EXT1: variants seen among roughly 807,000 people sequenced by gnomAD.
EXT1 encodes the protein exostosin-1.
A neutral mutation model predicts 82.5 loss-of-function variants in EXT1; 20 were observed. The ratio of observed to expected loss-of-function variants is 0.24; its 90% confidence interval spans 0.17 to 0.35. The LOEUF is 0.35. Among genes scored for constraint, EXT1 ranks in the 10% least tolerant of loss-of-function variants. The pLI is 1.00. For missense variants in EXT1, 757 were observed against 936.5 expected (o/e 0.81, Z 2.50); for synonymous variants, 348 against 350.8 (o/e 0.99, Z 0.09).
chr8:118,063,720 A>G (rs1816925823), intron 1 of EXT1, among the ~76,000 whole-genome samples: 1 of 152,226 alleles, frequency 6.6e-6, no homozygotes, highest in Non-Finnish European at 1.5e-5. Context: ...CTCTCCTGTG[A>G]GATCACAGAC....
At chr8:117,957,845 T>C (rs2129710182) in intron 1 of EXT1, among the ~76,000 whole-genome samples, 1 of 152,332 alleles carries the variant, frequency 6.6e-6, no homozygotes, top group Non-Finnish European at 1.5e-5. Context: ...CAGCTCAAAG[T>C]TGAAAGCATA....
intron 1 of EXT1, among the ~76,000 whole-genome samples, chr8:117,872,594 T>C (rs1196044621): frequency 3.3e-5 from 5 of 152,214 alleles, no homozygotes; most frequent in Admixed American, 1.3e-4. Flanking sequence ...ATGTTTCTGA[T>C]AATATGTTTG....
At chr8:118,006,087 G>C (rs773004832) in intron 1 of EXT1, among the ~76,000 whole-genome samples, 23 of 152,204 alleles carry the variant, frequency 1.5e-4, no homozygotes, top group Non-Finnish European at 3.1e-4. Flanking sequence ...ACTCAGCTAG[G>C]TTGCCCATCT....
chr8:117,995,334 G>A (rs1815515738), intron 1 of EXT1, among the ~76,000 whole-genome samples: 1 of 152,202 alleles, frequency 6.6e-6, no homozygotes, highest in Non-Finnish European at 1.5e-5. Context: ...AGAAAAGCCA[G>A]CATGGTATGA....
At chr8:117,840,779 A>G (rs1401828245) in intron 1 of EXT1, among the ~76,000 whole-genome samples, 1 of 152,262 alleles carries the variant, frequency 6.6e-6, no homozygotes, top group African/African-American at 2.4e-5. Context: ...TCCAAAGAAG[A>G]CACACAAAGT....
chr8:117,799,537 C>T lies in EXT1; in HGVS notation c.*175G>A. On this transcript the variant is annotated 3_prime_UTR_variant, in exon 11 of 11. Coordinates refer to ENST00000378204, the MANE Select transcript of EXT1 (RefSeq NM_000127.3). ...GAGTTTGGAGCAGTCTGGTGCAGTC[C>T]CAGGAGCCAGGAGTTGAGTTCTCAT... The T allele has an allele frequency of 1.5e-6, 1 of 684,910 alleles. No individual in the cohort carries two copies. The highest frequency in any genetic ancestry group is 2.5e-6 in the Non-Finnish European group (1 of 402,556). The allele number at this position is 684,910 out of a possible 1,614,324, so 42.4% of individuals were successfully genotyped here.
At chr8:117,849,419 C>T (rs1488965842) in intron 1 of EXT1, among the ~76,000 whole-genome samples, 2 of 152,160 alleles carry the variant, frequency 1.3e-5, no homozygotes, top group Admixed American at 1.3e-4. Flanking sequence ...TTTGTTGAAC[C>T]TATGTCAGAT....
chr8:117,821,969 T>C (rs1442298044), intron 5 of EXT1, among the ~76,000 whole-genome samples: 1 of 152,196 alleles, frequency 6.6e-6, no homozygotes, highest in East Asian at 1.9e-4. Flanking sequence ...TACCCAGCAA[T>C]ACATTAGCAT....
At chr8:117,886,009 T>A (rs1813141353) in intron 1 of EXT1, among the ~76,000 whole-genome samples, 2 of 152,216 alleles carry the variant, frequency 1.3e-5, no homozygotes, top group South Asian at 4.1e-4. Context: ...AAAAGTTGCA[T>A]GACTGTGTGC....
chr8:117,809,244 T>TATATATATATATATATATATATATATATA (rs1554657605), intron 8 of EXT1, among the ~76,000 whole-genome samples: 8 of 138,224 alleles, frequency 5.8e-5, no homozygotes, highest in Non-Finnish European at 1.1e-4. Context: ...TATATATATA[T>TATATATATATATATATATATATATATATA]TATGTTCTAT....
intron 7 of EXT1, among the ~76,000 whole-genome samples, chr8:117,815,950 A>T (rs1344014003): frequency 6.6e-6 from 1 of 151,642 alleles, no homozygotes; most frequent in Non-Finnish European, 1.5e-5. Flanking sequence ...AAAAAAAAAA[A>T]TTAACAAACA....
chr8:117,953,755 T>C (rs1186192288), intron 1 of EXT1, among the ~76,000 whole-genome samples: 1 of 151,968 alleles, frequency 6.6e-6, no homozygotes, highest in Non-Finnish European at 1.5e-5. Flanking sequence ...ATAATAATAA[T>C]ACATACAATG....
chr8:117,839,841 C>G (rs1045192942), intron 1 of EXT1, among the ~76,000 whole-genome samples: 6 of 152,208 alleles, frequency 3.9e-5, no homozygotes, highest in Admixed American at 2.0e-4. Flanking sequence ...GTTTCAGACA[C>G]TGTCCCATTT....
chr8:117,961,542 T>C (rs1814699838), intron 1 of EXT1, among the ~76,000 whole-genome samples: 1 of 152,210 alleles, frequency 6.6e-6, no homozygotes, highest in African/African-American at 2.4e-5. Flanking sequence ...ATTTTATGAG[T>C]CTATACTTCT....
intron 1 of EXT1, among the ~76,000 whole-genome samples, chr8:118,093,423 T>G (rs1308574263): frequency 1.3e-5 from 2 of 152,238 alleles, no homozygotes. Flanking sequence ...CATCTCACTT[T>G]ACTTATACTT....
intron 1 of EXT1, among the ~76,000 whole-genome samples, chr8:117,979,073 G>A (rs972300426): frequency 1.3e-5 from 2 of 152,052 alleles, no homozygotes; most frequent in Non-Finnish European, 2.9e-5. Flanking sequence ...GCAAATGCTC[G>A]GCCAGGCACG....
At chr8:117,841,440 G>A (rs117116316) in intron 1 of EXT1, among the ~76,000 whole-genome samples, 2,029 of 151,996 alleles carry the variant, frequency 0.013, 22 homozygotes, top group Non-Finnish European at 0.02. Flanking sequence ...GGTCAAATGG[G>A]GGGACACAGT....
intron 1 of EXT1, among the ~76,000 whole-genome samples, chr8:117,967,093 T>G (rs1814833055): frequency 6.6e-6 from 1 of 152,232 alleles, no homozygotes; most frequent in Non-Finnish European, 1.5e-5. Context: ...CTTGGGAAAT[T>G]CGGGCTACAT....
chr8:118,078,022 T>C (rs780082982), intron 1 of EXT1, among the ~76,000 whole-genome samples: 1 of 152,202 alleles, frequency 6.6e-6, no homozygotes, highest in Non-Finnish European at 1.5e-5. Flanking sequence ...ATTATTCAGG[T>C]GTACCTCCCT....
Sources: allele counts gnomAD v4.1 joint callset (sites outside exome capture counted in the v4.1 genomes callset), GRCh38; gene constraint gnomAD v4.1.1; transcripts MANE v1.5; gene names NCBI Gene and HGNC (gene_info 2026-07-23, HGNC 2026-07-21).